DSCAM: variants seen among roughly 807,000 people sequenced by gnomAD.
The protein encoded by DSCAM is cell adhesion molecule DSCAM.
Under a neutral mutation model 217.7 loss-of-function variants are expected in DSCAM, and 47 were observed. That is an observed-to-expected ratio of 0.22 (90% CI 0.17 to 0.28). The LOEUF (loss-of-function observed/expected upper bound fraction) is 0.28, where lower values mean the gene tolerates loss of function less well. Among genes scored for constraint, DSCAM ranks in the 10% least tolerant of loss-of-function variants. The pLI is 1.00. For missense variants in DSCAM, 2,080 were observed against 2,618.3 expected, an observed-to-expected ratio of 0.79 and a Z score of 4.49; for synonymous variants, 1,056 against 1,015.3, an observed-to-expected ratio of 1.04 and a Z score of -0.76.
intron 3 of DSCAM, among the ~76,000 whole-genome samples, chr21:40,551,835 T>A (rs368080525): frequency 4.1e-4 from 63 of 152,154 alleles, no homozygotes; most frequent in African/African-American, 1.5e-3. Flanking sequence ...AAAGGCAGAG[T>A]GTATAATGAG....
intron 28 of DSCAM, among the ~76,000 whole-genome samples, chr21:40,056,806 C>T (rs181242568): frequency 1.4e-3 from 211 of 152,310 alleles, no homozygotes; most frequent in Non-Finnish European, 1.7e-3. Flanking sequence ...GCCTAGTTAA[C>T]TCAATAATGG....
At chr21:40,662,102 G>A (rs566294988) in intron 3 of DSCAM, among the ~76,000 whole-genome samples, 98 of 145,192 alleles carry the variant, frequency 6.7e-4, no homozygotes, top group African/African-American at 2.3e-3. Flanking sequence ...GAAGCCTGAG[G>A]AATAAGCACA....
Position 40,188,006 on chromosome 21 carries a change from G to T in DSCAM, c.2554-19C>A, listed in dbSNP as rs754517560. On this transcript the variant is annotated intron_variant, in intron 12 of 32. Coordinates refer to ENST00000400454, the MANE Select transcript of DSCAM (RefSeq NM_001389.5). Reference sequence around the variant, plus strand: ...GCAAAATCTATGTGTAAAGCAGAAAGAAATTCATCTTTTTCAGTAGGCAAA... The same window carrying T: ...GCAAAATCTATGTGTAAAGCAGAAATAAATTCATCTTTTTCAGTAGGCAAA... 14 of 1,596,272 alleles carry T rather than the reference G, an allele frequency of 8.8e-6. No homozygotes were observed. The highest frequency in any genetic ancestry group is 1.1e-5 in the South Asian group (1 of 89,394).
chr21:40,725,167 C>G (rs115743805), intron 1 of DSCAM, among the ~76,000 whole-genome samples: 3,288 of 152,280 alleles, frequency 0.022, 126 homozygotes, highest in African/African-American at 0.075. Context: ...AATGTTAAAT[C>G]CATTGCCATT....
intron 32 of DSCAM, among the ~76,000 whole-genome samples, chr21:40,026,435 TTC>T (rs1450368081): frequency 1.4e-5 from 2 of 141,022 alleles, no homozygotes; most frequent in African/African-American, 2.7e-5. Context: ...CTTGTTGACT[TTC>T]TGTCTCGTTG....
chr21:40,470,768 G>T (rs1601668643), intron 3 of DSCAM, among the ~76,000 whole-genome samples: 1 of 152,130 alleles, frequency 6.6e-6, no homozygotes, highest in Non-Finnish European at 1.5e-5. Flanking sequence ...TGCCTAGGCT[G>T]GTCTTGAACT....
At position 40,261,002 on chromosome 21, in the gene DSCAM, T is replaced by C. The variant is rs370285304; in HGVS notation, c.2356+15095A>G. On this transcript the variant is annotated intron_variant, in intron 11 of 32. Transcript: ENST00000400454. ...AGACAAAACAGCTCTGTGACCGAGA[T>C]GGATCAAGACAAAAGAAGACCCCTC... Among the ~76,000 whole-genome samples the C allele has an allele frequency of 3.0e-4, 45 of 152,240 alleles. 1 individual carries two copies. In the South Asian group the frequency reaches 5.8e-3, roughly 20 times the overall value.
At chr21:40,567,642 A>T in intron 3 of DSCAM, among the ~76,000 whole-genome samples, 1 of 152,180 alleles carries the variant, frequency 6.6e-6, no homozygotes, top group Non-Finnish European at 1.5e-5. Flanking sequence ...CACTCTGAAC[A>T]TATTCTACAA....
intron 20 of DSCAM, among the ~76,000 whole-genome samples, chr21:40,112,689 A>G (rs1481305682): frequency 2.0e-5 from 3 of 152,190 alleles, no homozygotes; most frequent in Non-Finnish European, 4.4e-5. Flanking sequence ...TAAAGAAGAA[A>G]AGAGAGAAGA....
chr21:40,377,814 A>T (rs2074978508), intron 3 of DSCAM, among the ~76,000 whole-genome samples: 1 of 152,068 alleles, frequency 6.6e-6, no homozygotes, highest in Middle Eastern at 3.2e-3. Context: ...AGGGGAGGAG[A>T]GGACTTCTAA....
intron 3 of DSCAM, among the ~76,000 whole-genome samples, chr21:40,663,392 C>T (rs2146385210): frequency 6.6e-6 from 1 of 152,104 alleles, no homozygotes; most frequent in South Asian, 2.1e-4. Flanking sequence ...TATGCACAGG[C>T]CAGTCGCACA....
chr21:40,289,854 G>A (rs1039193270), intron 10 of DSCAM, among the ~76,000 whole-genome samples: 4 of 152,076 alleles, frequency 2.6e-5, no homozygotes, highest in African/African-American at 9.7e-5. Context: ...AACAGAACAA[G>A]AAACCAGGTA....
chr21:40,740,512 C>T (rs1394988140), intron 1 of DSCAM, among the ~76,000 whole-genome samples: 1 of 152,214 alleles, frequency 6.6e-6, no homozygotes, highest in African/African-American at 2.4e-5. Flanking sequence ...CATGGAGCAT[C>T]AAGCCTTATT....
At chr21:40,585,233 TA>T in intron 3 of DSCAM, among the ~76,000 whole-genome samples, 1 of 150,298 alleles carries the variant, frequency 6.7e-6, no homozygotes, top group South Asian at 2.1e-4. Context: ...TACAGCAATG[TA>T]AAATGGACTA....
At chr21:40,632,046 G>A (rs574020949) in intron 3 of DSCAM, among the ~76,000 whole-genome samples, 2 of 152,322 alleles carry the variant, frequency 1.3e-5, no homozygotes, top group East Asian at 1.9e-4. Context: ...ACGCGTCCAC[G>A]CAGTTGAAGA....
At chr21:40,595,220 A>G (rs1428475358) in intron 3 of DSCAM, among the ~76,000 whole-genome samples, 1 of 152,044 alleles carries the variant, frequency 6.6e-6, no homozygotes, top group East Asian at 1.9e-4. Context: ...TCTCCAAAAA[A>G]TACAAAAATT....
intron 4 of DSCAM, among the ~76,000 whole-genome samples, chr21:40,354,333 T>C (rs1601579937): frequency 6.6e-6 from 1 of 152,116 alleles, no homozygotes; most frequent in African/African-American, 2.4e-5. Context: ...CCAAACTATA[T>C]ATCTATTATG....
chr21:40,498,975 T>C (rs947640187), intron 3 of DSCAM, among the ~76,000 whole-genome samples: 2 of 151,620 alleles, frequency 1.3e-5, no homozygotes, highest in African/African-American at 2.4e-5. Context: ...TTTCTCATTA[T>C]AGCAATGTAA....
intron 3 of DSCAM, among the ~76,000 whole-genome samples, chr21:40,475,807 G>A (rs2075929298): frequency 1.3e-5 from 2 of 151,764 alleles, no homozygotes; most frequent in African/African-American, 4.8e-5. Flanking sequence ...CTCCAGCCTG[G>A]GCAACAGAGT....
Sources: gnomAD v4.1 joint callset for allele counts (sites outside exome capture counted in the v4.1 genomes callset) on GRCh38, gnomAD v4.1.1 for gene constraint, MANE v1.5 for transcripts, NCBI Gene and HGNC (gene_info 2026-07-23, HGNC 2026-07-21) for gene names.